EVPL: variants seen among roughly 807,000 people sequenced by gnomAD.
EVPL encodes 210 kDa cornified envelope precursor protein.
Under a neutral mutation model 129.7 loss-of-function variants are expected in EVPL, and 94 were observed. The observed-to-expected ratio is 0.72, with a 90% confidence interval of 0.61 to 0.86. The LOEUF is 0.86. Ranked by LOEUF, EVPL falls within the 40% of genes least tolerant of loss-of-function variation. The pLI is 0.00. For synonymous variants in EVPL, 1,172 were observed against 1,191.1 expected, an observed-to-expected ratio of 0.98 and a Z score of 0.33; for missense variants, 2,625 against 2,721.1, an observed-to-expected ratio of 0.96 and a Z score of 0.79.
At position 76,007,010 on chromosome 17, in the gene EVPL, C is replaced by T. The variant is rs370711705; in HGVS notation, c.*93G>A. 2.1e-5 allele frequency: 26 copies of T among 1,247,100 alleles called. No individual in the cohort carries two copies. The highest frequency in any genetic ancestry group is 1.5e-4 in the East Asian group (5 of 34,208). The allele number at this position is 1,247,100 out of a possible 1,614,324, so 77.3% of individuals were successfully genotyped here. On this transcript the variant is annotated 3_prime_UTR_variant, in exon 22 of 22. Coordinates refer to ENST00000301607, the MANE Select transcript of EVPL (RefSeq NM_001988.4). The surrounding 1 kb of genome is among the most constrained non-coding windows in gnomAD (Gnocchi z 8.8). ...AACAGTGGTTGGACAGAGGGAAGAC[C>T]CACTGCCTGGGATGAGGCTGCTCTG...
chr17:76,007,408 G>A lies in EVPL; in HGVS notation c.5797C>T (p.Pro1933Ser), dbSNP rs1350295078. Residue 1933 changes from proline (P) to serine (S), a missense_variant, in exon 22 of 22, where the codon CCA becomes TCA. By Grantham distance (74) the Pro-to-Ser change is moderately conservative (BLOSUM62 -1). Transcript: ENST00000301607. This position sits in a 1 kb window ranked among gnomAD's most constrained non-coding sequence, Gnocchi z 8.8. The part of the protein sequence containing the change: ...KGWMPRESVL[P>S]HLQVQHLTGG... ...GTCAGGTGCTGCACCTGCAGGTGTG[G>A]GAGCACGCTCTCCCGGGGCATCCAG... 6.2e-7 allele frequency: 1 copy of A among 1,603,448 alleles called. No individual in the cohort carries two copies. Among genetic ancestry groups the A allele is most frequent in the East Asian group, 2.2e-5 (1 of 44,672 alleles).
Position 76,024,720 on chromosome 17 carries a change from C to T in EVPL, c.99-600G>A, listed in dbSNP as rs1211347423. On this transcript the variant is annotated intron_variant, in intron 1 of 21. Transcript: ENST00000301607. The surrounding 1 kb of genome is among the most constrained non-coding windows in gnomAD (Gnocchi z 4.5). ...AGACTACTGGGCACCCTAACATTCT[C>T]CAGAGTTGAGGGTTCAAAGCCCAGA... Among the ~76,000 whole-genome samples the T allele has an allele frequency of 6.6e-6, 1 of 152,176 alleles. No homozygotes were observed. Among genetic ancestry groups the T allele is most frequent in the East Asian group, 1.9e-4 (1 of 5,204 alleles).
rs770040333 is a variant in EVPL at position 76,015,141 on chromosome 17, T to TC, written c.2029-33dup. 3 of 1,565,852 alleles carry TC rather than the reference T, an allele frequency of 1.9e-6. No homozygotes were observed. In the East Asian group the frequency reaches 6.8e-5, roughly 36 times the overall value. ...GAGGAGGGGACGCAGCCGTGCACCC[T>TC]CGTGGCTGGGGAGACGCCGTGTCCA... On this transcript the variant is annotated intron_variant, in intron 16 of 21. Coordinates refer to ENST00000301607, the MANE Select transcript of EVPL (RefSeq NM_001988.4).
At chr17:76,026,742 C>T (rs1280936236) in intron 1 of EVPL, among the ~76,000 whole-genome samples, 2 of 152,194 alleles carry the variant, frequency 1.3e-5, no homozygotes, top group African/African-American at 4.8e-5. Context: ...CCAGGCTCTC[C>T]TGTCTCCCAG....
Position 76,007,867 on chromosome 17 carries a change from C to T in EVPL, c.5338G>A (p.Val1780Ile). The change falls in exon 22 of 22, where the codon GTA becomes ATA. Residue 1780 changes from valine (V) to isoleucine (I), a missense_variant. Coordinates refer to ENST00000301607, the MANE Select transcript of EVPL (RefSeq NM_001988.4). The surrounding 1 kb of genome is among the most constrained non-coding windows in gnomAD (Gnocchi z 8.8). ...HLPISEFALL[V>I]AGETKPSSSL... ...GAGCTTGGCTTGGTCTCCCCAGCTA[C>T]AAGCAGCGCAAACTCGGAGATGGGC... The T allele has an allele frequency of 3.1e-6, 5 of 1,613,624 alleles. No homozygotes were observed. Among genetic ancestry groups the T allele is most frequent in the Non-Finnish European group, 4.2e-6 (5 of 1,179,646 alleles).
At chr17:76,015,173 C>A in intron 16 of EVPL, 54 bp downstream of exon 16, 2 of 1,558,300 alleles carry the variant, frequency 1.3e-6, no homozygotes, top group East Asian at 2.3e-5. Context: ...TCCACCCACC[C>A]GCCCCTGAAT....
In EVPL at chr17:76,009,895, C is replaced by T; in HGVS notation, c.3310G>A (p.Ala1104Thr). 2 of 1,614,136 alleles carry T rather than the reference C, an allele frequency of 1.2e-6. No homozygotes were observed. Among genetic ancestry groups the T allele is most frequent in the Non-Finnish European group, 1.7e-6 (2 of 1,180,024 alleles). The change falls in exon 22 of 22, where the codon GCG becomes ACG. Residue 1104 changes from alanine to threonine, a missense_variant. Physicochemically the swap from Ala to Thr is moderately conservative, Grantham distance 58 (BLOSUM62 0). Coordinates refer to ENST00000301607, the MANE Select transcript of EVPL (RefSeq NM_001988.4). This position sits in a 1 kb window ranked among gnomAD's most constrained non-coding sequence, Gnocchi z 5.9. ...GCCTCCTCCGCCTGCTTCCTCCGCGCAGCATCCTCCTCCATCTGCAGCCTC... is the reference window on the plus strand; with the variant it reads ...GCCTCCTCCGCCTGCTTCCTCCGCGTAGCATCCTCCTCCATCTGCAGCCTC... Reference protein sequence around the residue: ...ALRLQMEEDAARRKQAEEAVA... With the variant: ...ALRLQMEEDATRRKQAEEAVA...
At chr17:76,012,499 T>C (rs1250391916) in intron 18 of EVPL, among the ~76,000 whole-genome samples, 1 of 152,072 alleles carries the variant, frequency 6.6e-6, no homozygotes, top group Non-Finnish European at 1.5e-5. Context: ...TTCGCCATGT[T>C]GGCAAGGCTG....
At position 76,007,568 on chromosome 17, in the gene EVPL, C is replaced by T. The variant is rs1254947199; in HGVS notation, c.5637G>A (p.Val1879=). The change falls in exon 22 of 22, where the codon GTG becomes GTA. Residue 1879 remains valine, a synonymous_variant. Coordinates refer to ENST00000301607, the MANE Select transcript of EVPL (RefSeq NM_001988.4). This position sits in a 1 kb window ranked among gnomAD's most constrained non-coding sequence, Gnocchi z 8.8. ...VDLLSRERYS[V]HKAMERGLIE... ...TCAGGCCCCTCTCCATCGCCTTGTG[C>T]ACAGAGTAGCGCTCACGGCTGAGCA... The T allele has an allele frequency of 6.2e-7, 1 of 1,614,054 alleles. No individual in the cohort carries two copies. Among genetic ancestry groups the T allele is most frequent in the East Asian group, 2.2e-5 (1 of 44,880 alleles).
rs1390559221 is a variant in EVPL, at chr17:76,022,489, T to C, written c.530A>G (p.Gln177Arg). The change falls in exon 5 of 22, where the codon CAA becomes CGA. Residue 177 changes from glutamine to arginine, a missense_variant. Transcript: ENST00000301607. The surrounding 1 kb of genome is among the most constrained non-coding windows in gnomAD (Gnocchi z 5.6). Reference protein sequence around the residue: ...QYGPGMAELEQQIAEHNILQK... With the variant: ...QYGPGMAELERQIAEHNILQK... ...CAGGATGTTGTGCTCGGCGATCTGTTGCTCCAGCTCCGCCATGCCCGGCCC... is the reference window on the plus strand; with the variant it reads ...CAGGATGTTGTGCTCGGCGATCTGTCGCTCCAGCTCCGCCATGCCCGGCCC... 7 of 1,612,744 alleles carry C rather than the reference T, an allele frequency of 4.3e-6. No homozygotes were observed. The highest frequency in any genetic ancestry group is 5.9e-6 in the Non-Finnish European group (7 of 1,179,698).
rs1333818920 is a variant in EVPL, at chr17:76,011,986, G to A, written c.2457+20C>T. 2.5e-6 allele frequency: 4 copies of A among 1,609,790 alleles called. No homozygotes were observed. Among genetic ancestry groups the A allele is most frequent in the East Asian group, 2.2e-5 (1 of 44,816 alleles). On this transcript the variant is annotated intron_variant, in intron 19 of 21. Coordinates refer to ENST00000301607, the MANE Select transcript of EVPL (RefSeq NM_001988.4). ...AAGGGTGATGCATGGAGAGGGGCAA[G>A]CTGAAGGCAAGCTGCTTACCTGGAG...
rs1180198252 is a variant in EVPL at position 76,021,486 on chromosome 17, G to T, written c.993C>A (p.His331Gln). ...LCICQETQLQHVEDYRRFQEE... is the reference protein window; with the variant it reads ...LCICQETQLQQVEDYRRFQEE... ...GGCTCACCCGGCGGTAGTCCTCCAC[G>T]TGCTGCAGCTGGGTCTCCTGGCAGA... Residue 331 changes from histidine to glutamine, a missense_variant, in exon 9 of 22, where the codon CAC becomes CAA. Transcript: ENST00000301607. 2.5e-6 allele frequency: 4 copies of T among 1,594,540 alleles called. No individual in the cohort carries two copies. The African/African-American group carries it at 5.4e-5, about 22-fold the overall frequency.
chr17:76,015,042 G>A lies in EVPL; in HGVS notation c.2096C>T (p.Ser699Leu), dbSNP rs1313347138. Residue 699 changes from serine to leucine, a missense_variant, in exon 17 of 22, where the codon TCG becomes TTG. By Grantham distance (145) the Ser-to-Leu change is moderately radical. This residue lies in a region of EVPL where 1,024 missense variants were observed against 997.5 expected (regional missense o/e 1.03). Transcript: ENST00000301607. Reference sequence around the variant, plus strand: ...CTGCAGGGCAGCGCATGCGTGCTCCGAGGCCTTCAGCGCGCGGTGTAGCCG... The same window carrying A: ...CTGCAGGGCAGCGCATGCGTGCTCCAAGGCCTTCAGCGCGCGGTGTAGCCG... ...VLRLHRALKA[S>L]EHACAALQNN... 3 of 1,590,994 alleles carry A rather than the reference G, an allele frequency of 1.9e-6. No homozygotes were observed. The highest frequency in any genetic ancestry group is 2.2e-5 in the South Asian group (2 of 90,858).
chr17:76,014,414 C>A lies in EVPL; in HGVS notation c.2373+12G>T. On this transcript the variant is annotated intron_variant, in intron 18 of 21. Transcript: ENST00000301607. ...ACATGGGCACAGGCAGCTGTCCCTG[C>A]CCCAGCCTCACCTTCTGCGCCTGCA... is the stretch of plus-strand genomic sequence containing the variant. 1.9e-6 allele frequency: 3 copies of A among 1,605,704 alleles called. No homozygotes were observed. The South Asian group carries it at 3.3e-5, about 18-fold the overall frequency.
In EVPL at chr17:76,008,451, C is replaced by G. The variant is rs539062061; in HGVS notation, c.4754G>C (p.Arg1585Pro). 1.3e-6 allele frequency: 2 copies of G among 1,592,938 alleles called. No homozygotes were observed. Among genetic ancestry groups the G allele is most frequent in the Non-Finnish European group, 1.7e-6 (2 of 1,175,438 alleles). ...SREESELQRA[R>P]DQADQECGRL... ...CCCACACTCCTGGTCGGCCTGGTCC[C>G]GGGCCCTCTGCAGCTCGGACTCCTC... Residue 1585 changes from arginine to proline, a missense_variant, in exon 22 of 22, where the codon CGG becomes CCG. By Grantham distance (103) the Arg-to-Pro change is moderately radical (BLOSUM62 -2). This residue lies in a region of EVPL where 1,453 missense variants were observed against 1,511.8 expected (regional missense o/e 0.96). Transcript: ENST00000301607. This position sits in a 1 kb window ranked among gnomAD's most constrained non-coding sequence, Gnocchi z 7.4.
chr17:76,023,334 C>T lies in EVPL; in HGVS notation c.438G>A (p.Val146=), dbSNP rs1046006097. ...LYEKMVLPPD[V]GPRVDWARVL... Reference sequence around the variant, plus strand: ...CGCGTGCCCAGTCGACCCTGGGTCCCACGTCGGGGGGCAGCACCATCTTCT... The same window carrying T: ...CGCGTGCCCAGTCGACCCTGGGTCCTACGTCGGGGGGCAGCACCATCTTCT... Residue 146 remains valine (V), a synonymous_variant, in exon 4 of 22, where the codon GTG becomes GTA. Coordinates refer to ENST00000301607, the MANE Select transcript of EVPL (RefSeq NM_001988.4). 7 of 1,613,810 alleles carry T rather than the reference C, an allele frequency of 4.3e-6. No individual in the cohort carries two copies. The African/African-American group carries it at 6.7e-5, about 15-fold the overall frequency.
At position 76,008,726 on chromosome 17, in the gene EVPL, G is replaced by C. The variant is rs148808819; in HGVS notation, c.4479C>G (p.Thr1493=). 4.7e-5 allele frequency: 76 copies of C among 1,613,956 alleles called. No individual in the cohort carries two copies. The highest frequency in any genetic ancestry group is 4.5e-4 in the African/African-American group (34 of 75,040). The change falls in exon 22 of 22, where the codon ACC becomes ACG. Residue 1493 remains threonine (T), a synonymous_variant. Transcript: ENST00000301607. This position sits in a 1 kb window ranked among gnomAD's most constrained non-coding sequence, Gnocchi z 7.4. The part of the protein sequence containing the change: ...WDLDQEKTQV[T]ELNRECKNLQ... The stretch of plus-strand genomic sequence containing the variant: ...GGTTCTTGCACTCCCGATTCAGCTC[G>C]GTTACCTGGGTCTTCTCCTGGTCCA...
chr17:76,009,060 G>A lies in EVPL; in HGVS notation c.4145C>T (p.Pro1382Leu), dbSNP rs1270637102. The A allele has an allele frequency of 1.7e-5, 28 of 1,613,370 alleles. 1 individual carries two copies. Among genetic ancestry groups the A allele is most frequent in the South Asian group, 3.3e-5 (3 of 91,074 alleles). Residue 1382 changes from proline to leucine, a missense_variant, in exon 22 of 22, where the codon CCG (proline) becomes CTG (leucine). Coordinates refer to ENST00000301607, the MANE Select transcript of EVPL (RefSeq NM_001988.4). The surrounding 1 kb of genome is among the most constrained non-coding windows in gnomAD (Gnocchi z 5.9). Reference sequence around the variant, plus strand: ...CCGGCTGTGCTCCTCGCGCAGCTTCGGGTCCTTCTGGGTGACCACCACCTC... The same window carrying A: ...CCGGCTGTGCTCCTCGCGCAGCTTCAGGTCCTTCTGGGTGACCACCACCTC... ...VQEVVVTQKD[P>L]KLREEHSRLS...
In EVPL at chr17:76,008,425, G is replaced by A. The variant is rs550288224; in HGVS notation, c.4780C>T (p.Arg1594Trp). 9 of 1,591,752 alleles carry A rather than the reference G, an allele frequency of 5.7e-6. No individual in the cohort carries two copies. The highest frequency in any genetic ancestry group is 2.7e-5 in the African/African-American group (2 of 74,624). The change falls in exon 22 of 22, where the codon CGG (arginine) becomes TGG (tryptophan). Residue 1594 changes from arginine to tryptophan, a missense_variant. Transcript: ENST00000301607. The surrounding 1 kb of genome is among the most constrained non-coding windows in gnomAD (Gnocchi z 7.4). ...ARDQADQECG[R>W]LQQELRALER... ...AGAGCCCGCAGCTCCTGCTGCAGCCGCCCACACTCCTGGTCGGCCTGGTCC... is the reference window on the plus strand; with the variant it reads ...AGAGCCCGCAGCTCCTGCTGCAGCCACCCACACTCCTGGTCGGCCTGGTCC...
Sources: allele counts gnomAD v4.1 joint callset (sites outside exome capture counted in the v4.1 genomes callset), GRCh38; gene constraint gnomAD v4.1.1; regional missense constraint gnomAD v4.1.1; non-coding constraint Gnocchi (gnomAD v3.1); transcripts MANE v1.5; gene names NCBI Gene and HGNC (gene_info 2026-07-23, HGNC 2026-07-21).